The following SLCO3A1 variants were observed in gnomAD, a reference collection of about 807,000 sequenced individuals.
The protein encoded by SLCO3A1 is solute carrier organic anion transporter family member 3A1.
In SLCO3A1, 27 loss-of-function variants were observed where a neutral mutation model predicts 63.1. The ratio of observed to expected loss-of-function variants is 0.43; its 90% CI spans 0.32 to 0.59. The LOEUF is 0.59. Among genes scored for constraint, SLCO3A1 ranks in the 20% least tolerant of loss-of-function variants. SLCO3A1 has a pLI of 0.09. For missense variants in SLCO3A1, 773 were observed against 945.8 expected (o/e 0.82, Z 2.40); for synonymous variants, 473 against 409.9 (o/e 1.15, Z -1.86).
intron 1 of SLCO3A1, among the ~76,000 whole-genome samples, chr15:91,855,948 G>T (rs1402870762): frequency 3.9e-5 from 6 of 151,996 alleles, no homozygotes; most frequent in African/African-American, 1.5e-4. Flanking sequence ...TGATAAAAGC[G>T]TGGGCTTACT....
intron 7 of SLCO3A1, among the ~76,000 whole-genome samples, 174 bp downstream of exon 7, chr15:92,128,663 T>C (rs1173569856): frequency 1.3e-5 from 2 of 152,190 alleles, no homozygotes; most frequent in Non-Finnish European, 2.9e-5. Context: ...GTCTTCTTGC[T>C]AAATCAAGTG....
chr15:92,161,782 G>A (rs1388032569), intron 9 of SLCO3A1: 2 of 142,806 alleles, frequency 1.4e-5, no homozygotes, highest in East Asian at 2.1e-4. Context: ...GTATGCCGGC[G>A]CTTTGCAGTT....
At chr15:91,926,557 C>CTGTG (rs1567189095) in intron 2 of SLCO3A1, among the ~76,000 whole-genome samples, 5 of 54,380 alleles carry the variant, frequency 9.2e-5, no homozygotes, top group African/African-American at 5.1e-4. Flanking sequence ...TCCTGCCAAG[C>CTGTG]CGTGTGTGTG....
intron 2 of SLCO3A1, among the ~76,000 whole-genome samples, chr15:91,971,536 C>G (rs1381432172): frequency 2.0e-5 from 3 of 151,884 alleles, no homozygotes; most frequent in African/African-American, 2.4e-5. Context: ...GAAAAGGCCC[C>G]AAGCACAGTG....
intron 2 of SLCO3A1, among the ~76,000 whole-genome samples, chr15:92,020,289 C>T (rs906001833): frequency 1.3e-5 from 2 of 152,102 alleles, no homozygotes; most frequent in Admixed American, 6.5e-5. Context: ...TCCATCCATC[C>T]ATCTATATTT....
chr15:92,061,849 G>A (rs1455180052), intron 2 of SLCO3A1, among the ~76,000 whole-genome samples: 5 of 152,224 alleles, frequency 3.3e-5, no homozygotes, highest in Admixed American at 2.6e-4. Context: ...CCTTACACAA[G>A]GGCCTCCCCT....
In SLCO3A1 at chr15:92,171,916, C is replaced by T. The variant is rs574976546; in HGVS notation, c.*54C>T. On this transcript the variant is annotated 3_prime_UTR_variant, in exon 11 of 11. Coordinates refer to the SLCO3A1 transcript ENST00000424469. The stretch of plus-strand genomic sequence containing the variant: ...AGAACAGCCCACCACCACCCACAGA[C>T]CTCGCGGGCCTCACTTAGCGCGCTC... The T allele has an allele frequency of 1.0e-5, 14 of 1,334,474 alleles. No homozygotes were observed. In the African/African-American group the frequency reaches 1.5e-4, roughly 14 times the overall value. 82.7% of individuals were successfully genotyped at this position (1,334,474 alleles called of 1,614,324 possible).
intron 2 of SLCO3A1, among the ~76,000 whole-genome samples, chr15:92,065,175 C>T (rs1438272724): frequency 1.3e-5 from 2 of 152,114 alleles, no homozygotes; most frequent in East Asian, 3.9e-4. Context: ...CTCTGCCTTC[C>T]GGGTTCAAGC....
At chr15:91,987,210 T>G (rs2046064803) in intron 2 of SLCO3A1, among the ~76,000 whole-genome samples, 1 of 152,234 alleles carries the variant, frequency 6.6e-6, no homozygotes, top group Non-Finnish European at 1.5e-5. Flanking sequence ...TTCTTTGCGT[T>G]GTGTCGGTAG....
intron 2 of SLCO3A1, among the ~76,000 whole-genome samples, chr15:91,963,857 G>T (rs145567201): frequency 2.6e-5 from 4 of 152,028 alleles, no homozygotes; most frequent in Non-Finnish European, 5.9e-5. Flanking sequence ...AAGCTTCCAC[G>T]GCGTGGAAGG....
At chr15:92,132,832 C>T (rs2048012729) in intron 7 of SLCO3A1, among the ~76,000 whole-genome samples, 2 of 145,192 alleles carry the variant, frequency 1.4e-5, no homozygotes, top group Non-Finnish European at 3.1e-5. Flanking sequence ...GCAGGCAGCT[C>T]ATGGTTCAGT....
At chr15:91,989,482 AC>A (rs2046099145) in intron 2 of SLCO3A1, among the ~76,000 whole-genome samples, 1 of 152,212 alleles carries the variant, frequency 6.6e-6, no homozygotes, top group South Asian at 2.1e-4. Context: ...TTAGTAAAAA[AC>A]ATTCCAGATC....
In SLCO3A1 at chr15:92,033,798, C is replaced by T. The variant is rs1393719026; in HGVS notation, c.647-61083C>T. Among the ~76,000 whole-genome samples, 3 of 152,070 alleles carry T rather than the reference C, an allele frequency of 2.0e-5. No homozygotes were observed. Among genetic ancestry groups the T allele is most frequent in the Non-Finnish European group, 4.4e-5 (3 of 68,014 alleles). On this transcript the variant is annotated intron_variant, in intron 2 of 9. Coordinates refer to ENST00000318445, the MANE Select transcript of SLCO3A1 (RefSeq NM_013272.4). The surrounding 1 kb of genome is among the most constrained non-coding windows in gnomAD (Gnocchi z 4.5). ...GGGGCAGGTCTCACTGAGGTTTTGG[C>T]ATGTGTGTAAAGACATCAAGGGAGT...
intron 4 of SLCO3A1, among the ~76,000 whole-genome samples, chr15:92,117,348 G>A (rs1051673187): frequency 6.6e-6 from 1 of 152,180 alleles, no homozygotes; most frequent in African/African-American, 2.4e-5. Context: ...GTGACCAAGC[G>A]TGGCTGTGAT....
chr15:92,125,698 C>G (rs544055763), intron 5 of SLCO3A1, among the ~76,000 whole-genome samples: 10 of 152,104 alleles, frequency 6.6e-5, no homozygotes, highest in African/African-American at 2.4e-4. Context: ...GAGCACATCA[C>G]TGCTCCGTGA....
intron 1 of SLCO3A1, among the ~76,000 whole-genome samples, chr15:91,913,286 G>C (rs1181693418): frequency 1.3e-5 from 2 of 152,228 alleles, no homozygotes; most frequent in Non-Finnish European, 2.9e-5. Flanking sequence ...TCATAACCCT[G>C]CTCTGCAGAG....
chr15:91,971,464 GTTGTCTAT>G (rs1900868207), intron 2 of SLCO3A1, among the ~76,000 whole-genome samples: 1 of 142,606 alleles, frequency 7.0e-6, no homozygotes, highest in Non-Finnish European at 1.5e-5. Flanking sequence ...TATCCTTTTT[GTTGTCTAT>G]TTGATGTCAT....
chr15:91,968,297 A>C lies in SLCO3A1; in HGVS notation c.646+51839A>C, dbSNP rs532628030. ...GGAAAACAGCAGATGGAGGAGAGGA[A>C]AGAGAAGTTTAGCTGGCATCATTAA... On this transcript the variant is annotated intron_variant, in intron 2 of 9. Transcript: ENST00000318445. This position sits in a 1 kb window ranked among gnomAD's most constrained non-coding sequence, Gnocchi z 4.2. Among the ~76,000 whole-genome samples, 11 of 152,210 alleles carry C rather than the reference A, an allele frequency of 7.2e-5. No individual in the cohort carries two copies. The East Asian group carries it at 2.1e-3, about 29-fold the overall frequency.
chr15:91,913,607 T>A (rs1184342896), intron 1 of SLCO3A1, among the ~76,000 whole-genome samples: 1 of 151,740 alleles, frequency 6.6e-6, no homozygotes. Flanking sequence ...TTTTGGTTTG[T>A]TTTTTTAGTA....
Sources: allele counts gnomAD v4.1 joint callset (sites outside exome capture counted in the v4.1 genomes callset), GRCh38; gene constraint gnomAD v4.1.1; non-coding constraint Gnocchi (gnomAD v3.1); transcripts MANE v1.5; gene names NCBI Gene and HGNC (gene_info 2026-07-23, HGNC 2026-07-21).